Variants in UBE2H observed in about 807,000 individuals in gnomAD.
UBE2H encodes the protein ubiquitin conjugating enzyme E2 H, also known as ubiquitin-conjugating enzyme E2 H.
In UBE2H, 3 loss-of-function variants were observed where a neutral mutation model predicts 29.0. The ratio of observed to expected loss-of-function variants is 0.10; its 90% CI spans 0.05 to 0.27. The LOEUF (loss-of-function observed/expected upper bound fraction) is 0.27. Ranked by LOEUF, UBE2H falls within the 10% of genes least tolerant of loss-of-function variation. UBE2H has a pLI of 1.00. For missense variants in UBE2H, 68 were observed against 228.2 expected, an observed-to-expected ratio of 0.30 and a Z score of 4.52; for synonymous variants, 69 against 82.9, an observed-to-expected ratio of 0.83 and a Z score of 0.91.
chr7:129,836,772 CG>C (rs1245582057), intron 6 of UBE2H, among the ~76,000 whole-genome samples: 1 of 150,384 alleles, frequency 6.6e-6, no homozygotes, highest in Non-Finnish European at 1.5e-5. Context: ...CCCAGCTACT[CG>C]GGAGGCTGAG....
intron 1 of UBE2H, among the ~76,000 whole-genome samples, chr7:129,930,322 C>A (rs557518064): frequency 1.1e-4 from 17 of 152,090 alleles, no homozygotes; most frequent in Non-Finnish European, 1.6e-4. Flanking sequence ...CCACCATGAC[C>A]AGCTAATTTT....
chr7:129,877,012 G>C (rs1806157284), intron 3 of UBE2H, among the ~76,000 whole-genome samples: 1 of 152,104 alleles, frequency 6.6e-6, no homozygotes, highest in Admixed American at 6.6e-5. Context: ...GCATATTCCA[G>C]AATGTAAATA....
At chr7:129,895,478 G>A (rs1226790089) in intron 1 of UBE2H, among the ~76,000 whole-genome samples, 1 of 152,026 alleles carries the variant, frequency 6.6e-6, no homozygotes, top group African/African-American at 2.4e-5. Flanking sequence ...CAAGTCATAG[G>A]CAACATATAA....
intron 1 of UBE2H, among the ~76,000 whole-genome samples, chr7:129,924,586 T>A (rs1364562867): frequency 6.6e-6 from 1 of 151,416 alleles, no homozygotes; most frequent in Non-Finnish European, 1.5e-5. Flanking sequence ...CAATACCAGG[T>A]ATACATATGG....
intron 1 of UBE2H, among the ~76,000 whole-genome samples, chr7:129,911,610 A>C (rs569260862): frequency 6.6e-6 from 1 of 152,258 alleles, no homozygotes; most frequent in Admixed American, 6.5e-5. Context: ...AGGAAACAAC[A>C]ACTCAACTAA....
At chr7:129,937,216 C>A in intron 1 of UBE2H, among the ~76,000 whole-genome samples, 1 of 151,882 alleles carries the variant, frequency 6.6e-6, no homozygotes. Flanking sequence ...GTAGCCCCAG[C>A]TACTCGGAAG....
At chr7:129,930,169 A>AT (rs949095982) in intron 1 of UBE2H, among the ~76,000 whole-genome samples, 46 of 151,124 alleles carry the variant, frequency 3.0e-4, no homozygotes, top group Non-Finnish European at 4.7e-4. Context: ...TACACTCTGT[A>AT]TTTTTTTTTG....
intron 1 of UBE2H, among the ~76,000 whole-genome samples, chr7:129,930,206 C>T (rs190383439): frequency 1.1e-3 from 172 of 152,132 alleles, no homozygotes; most frequent in African/African-American, 3.5e-3. Flanking sequence ...TTGTTGCCCA[C>T]GCTGCAGTGT....
At chr7:129,931,865 C>T (rs2692443) in intron 1 of UBE2H, among the ~76,000 whole-genome samples, 143,041 of 146,748 alleles carry the variant, frequency 0.97, 69,778 homozygotes, top group East Asian at 1. Context: ...AGACGGAGTC[C>T]AGCTCTGTCA....
At chr7:129,888,576 G>A (rs557563933) in intron 1 of UBE2H, among the ~76,000 whole-genome samples, 7 of 152,282 alleles carry the variant, frequency 4.6e-5, no homozygotes, top group African/African-American at 1.7e-4. Context: ...CCAGGTTCAA[G>A]CCATTCTCCT....
chr7:129,939,485 T>G (rs2727507), intron 1 of UBE2H, among the ~76,000 whole-genome samples: 98,977 of 152,110 alleles, frequency 0.65, 33,286 homozygotes, highest in East Asian at 0.88. Context: ...CATCCAGCAG[T>G]AAGACCATGA....
intron 1 of UBE2H, among the ~76,000 whole-genome samples, chr7:129,945,844 G>A (rs1045279070): frequency 6.6e-6 from 1 of 152,076 alleles, no homozygotes; most frequent in South Asian, 2.1e-4. Context: ...AGGTTCAAGC[G>A]AATTGATTCT....
In UBE2H at chr7:129,854,881, T is replaced by C. The variant is rs115328017; in HGVS notation, c.298+2630A>G. On this transcript the variant is annotated intron_variant, in intron 5 of 6. Transcript: ENST00000355621. ...TTCAGCCATAAGAACTTCCGATACATGCAACACGGATCAACCTTGAAAACA... is the reference window on the plus strand; with the variant it reads ...TTCAGCCATAAGAACTTCCGATACACGCAACACGGATCAACCTTGAAAACA... 3.1e-3 allele frequency among the ~76,000 whole-genome samples: 473 copies of C among 151,694 alleles called. 6 individuals carry two copies. The highest frequency in any genetic ancestry group is 0.011 in the African/African-American group (442 of 41,310).
At chr7:129,930,975 T>C (rs970604574) in intron 1 of UBE2H, among the ~76,000 whole-genome samples, 3 of 149,458 alleles carry the variant, frequency 2.0e-5, no homozygotes, top group African/African-American at 7.4e-5. Flanking sequence ...TCCCAGCACT[T>C]TGGGAGGCTG....
At chr7:129,943,717 A>G (rs1377602082) in intron 1 of UBE2H, among the ~76,000 whole-genome samples, 1 of 152,178 alleles carries the variant, frequency 6.6e-6, no homozygotes. Flanking sequence ...CCTGGCCAAC[A>G]TGGCAAAACC....
intron 1 of UBE2H, among the ~76,000 whole-genome samples, chr7:129,898,279 A>G (rs1806639724): frequency 6.6e-6 from 1 of 152,172 alleles, no homozygotes. Context: ...ATATTAGCAA[A>G]ACTGCTAGCT....
intron 1 of UBE2H, among the ~76,000 whole-genome samples, chr7:129,943,828 G>A (rs1807697150): frequency 1.3e-5 from 2 of 152,174 alleles, no homozygotes; most frequent in Non-Finnish European, 2.9e-5. Context: ...CTTGAACTCA[G>A]GAGGCAGAGG....
chr7:129,890,079 G>A (rs936149506), intron 1 of UBE2H, among the ~76,000 whole-genome samples: 2 of 152,074 alleles, frequency 1.3e-5, no homozygotes, highest in African/African-American at 4.8e-5. Flanking sequence ...TCTGTAGTAA[G>A]CTATGATGAC....
At chr7:129,926,313 C>A (rs939726696) in intron 1 of UBE2H, among the ~76,000 whole-genome samples, 17 of 151,684 alleles carry the variant, frequency 1.1e-4, no homozygotes, top group Non-Finnish European at 2.2e-4. Context: ...AGTTCGAGAC[C>A]AGCCTGACCA....
Sources: allele counts gnomAD v4.1 joint callset (sites outside exome capture counted in the v4.1 genomes callset), GRCh38; gene constraint gnomAD v4.1.1; transcripts MANE v1.5; gene names NCBI Gene and HGNC (gene_info 2026-07-23, HGNC 2026-07-21).